ARMH1: variants seen among roughly 807,000 people sequenced by gnomAD.
ARMH1 encodes armadillo-like helical domain containing protein 1.
ARMH1 carries 34 observed loss-of-function variants against 50.2 expected under a neutral mutation model. The observed-to-expected ratio is 0.68, with a 90% confidence interval of 0.51 to 0.90. The LOEUF (loss-of-function observed/expected upper bound fraction) is 0.90, where lower values mean the gene tolerates loss of function less well. Among genes scored for constraint, ARMH1 ranks in the 40% least tolerant of loss-of-function variants. ARMH1 has a pLI of 0.00. For synonymous variants in ARMH1, 221 were observed against 224.2 expected (o/e 0.99, Z 0.13); for missense variants, 538 against 553.9 (o/e 0.97, Z 0.29).
Position 44,724,281 on chromosome 1 carries a change from G to C in ARMH1, c.847+37G>C. The C allele has an allele frequency of 6.4e-7, 1 of 1,550,960 alleles. No individual in the cohort carries two copies. Among genetic ancestry groups the C allele is most frequent in the South Asian group, 1.2e-5 (1 of 84,020 alleles). On this transcript the variant is annotated intron_variant, in intron 7 of 11. Transcript: ENST00000535358. This position sits in a 1 kb window ranked among gnomAD's most constrained non-coding sequence, Gnocchi z 6.4. ...CTCAAATGGGGCTGCCTGGGCCACG[G>C]GAGGGCGGTCTCTTGCCTCACGGCT... is the stretch of plus-strand genomic sequence containing the variant.
Position 44,709,533 on chromosome 1 carries a change from G to A in ARMH1, c.724+5360G>A, listed in dbSNP as rs1054911769. ...TAAAAATACAAAAAATTAGCCGGGC[G>A]TAGTGGCATGCGCCTGTAGTCCCAC... On this transcript the variant is annotated intron_variant, in intron 6 of 11. Transcript: ENST00000535358. 5.3e-5 allele frequency among the ~76,000 whole-genome samples: 8 copies of A among 152,224 alleles called. No homozygotes were observed. In the South Asian group the frequency reaches 6.2e-4, roughly 12 times the overall value.
At chr1:44,722,716 ACAGTGAAACTCCGTCT>A (rs1354295965) in intron 6 of ARMH1, among the ~76,000 whole-genome samples, 3 of 150,250 alleles carry the variant, frequency 2.0e-5, no homozygotes, top group Admixed American at 1.3e-4. Flanking sequence ...CTGAGTGATG[ACAGTGAAACTCCGTCT>A]CAAAAAAACA....
rs977025828 is a variant in ARMH1, at chr1:44,682,381, G to T, written c.-22-7295G>T. 1.3e-5 allele frequency among the ~76,000 whole-genome samples: 2 copies of T among 152,180 alleles called. No homozygotes were observed. The highest frequency in any genetic ancestry group is 2.9e-5 in the Non-Finnish European group (2 of 68,042). On this transcript the variant is annotated intron_variant, in intron 1 of 11. Coordinates refer to ENST00000535358, the MANE Select transcript of ARMH1 (RefSeq NM_001145636.2). The surrounding 1 kb of genome is among the most constrained non-coding windows in gnomAD (Gnocchi z 4.5). Reference sequence around the variant, plus strand: ...GGCCTGACCTCAGAGGAGGAGGAAGGGTTCAGGAACAGTAGTAGGGATTTA... The same window carrying T: ...GGCCTGACCTCAGAGGAGGAGGAAGTGTTCAGGAACAGTAGTAGGGATTTA...
intron 1 of ARMH1, chr1:44,684,381 GA>G (rs1207954574): frequency 6.6e-6 from 1 of 152,048 alleles, no homozygotes; most frequent in African/African-American, 2.4e-5. Context: ...CCCTACTTCT[GA>G]AAAACCTTAG....
At chr1:44,712,206 C>T (rs961245638) in intron 6 of ARMH1, among the ~76,000 whole-genome samples, 5 of 152,202 alleles carry the variant, frequency 3.3e-5, no homozygotes, top group Admixed American at 3.3e-4. Context: ...CACCTGTAAT[C>T]CCAGAACTTT....
intron 1 of ARMH1, among the ~76,000 whole-genome samples, chr1:44,688,792 C>G (rs1176262232): frequency 6.6e-6 from 1 of 152,174 alleles, no homozygotes; most frequent in Non-Finnish European, 1.5e-5. Flanking sequence ...TTCCCTCCCC[C>G]CACTGAAAAT....
chr1:44,695,335 C>T (rs1366691186), intron 2 of ARMH1, among the ~76,000 whole-genome samples: 1 of 152,176 alleles, frequency 6.6e-6, no homozygotes, highest in African/African-American at 2.4e-5. Flanking sequence ...AGCACAGTGC[C>T]CCGCACACAA....
At chr1:44,692,548 T>C (rs916966618) in intron 2 of ARMH1, among the ~76,000 whole-genome samples, 1 of 152,162 alleles carries the variant, frequency 6.6e-6, no homozygotes, top group African/African-American at 2.4e-5. Flanking sequence ...TGGCACATGT[T>C]TGCTGAGTAG....
rs1648023421 is a variant in ARMH1 at position 44,724,778 on chromosome 1, T to A, written c.1067T>A (p.Phe356Tyr). The change falls in exon 10 of 12, where the codon TTC (phenylalanine) becomes TAC (tyrosine). Residue 356 changes from phenylalanine to tyrosine, a missense_variant. Physicochemically the swap from Phe to Tyr is conservative, Grantham distance 22 (BLOSUM62 3). Transcript: ENST00000535358. The surrounding 1 kb of genome is among the most constrained non-coding windows in gnomAD (Gnocchi z 6.4). ...GCGGCGCAGTGCTTCGTGCAGATGT[T>A]CCCCTTGGTGGCGGAGCACGTGCGC... ...SLTLECFVQMFPLVAEHVRKC... is the reference protein window; with the variant it reads ...SLTLECFVQMYPLVAEHVRKC... 1 of 1,544,010 alleles carries A rather than the reference T, an allele frequency of 6.5e-7. No individual in the cohort carries two copies. Among genetic ancestry groups the A allele is most frequent in the Middle Eastern group, 1.8e-4 (1 of 5,530 alleles).
chr1:44,698,017 G>A lies in ARMH1; in HGVS notation c.276-46G>A, dbSNP rs1335672360. Reference sequence around the variant, plus strand: ...ATCTCTTTGAAAGCTCAGTGCAAAGGAACTTGACAAGAGTTTTATTTCTAC... The same window carrying A: ...ATCTCTTTGAAAGCTCAGTGCAAAGAAACTTGACAAGAGTTTTATTTCTAC... On this transcript the variant is annotated intron_variant, in intron 3 of 11. Transcript: ENST00000535358. The A allele has an allele frequency of 7.5e-6, 11 of 1,469,040 alleles. No homozygotes were observed. The East Asian group carries it at 2.3e-4, about 30-fold the overall frequency. 91.0% of individuals were successfully genotyped at this position (1,469,040 alleles called of 1,614,324 possible). A position where few individuals can be genotyped will look rare whatever the true frequency, so the allele number is the denominator to read the frequency against.
intron 6 of ARMH1, among the ~76,000 whole-genome samples, chr1:44,709,431 G>T (rs936327065): frequency 5.2e-4 from 79 of 152,178 alleles, no homozygotes; most frequent in Non-Finnish European, 8.8e-4. Context: ...CCAGCACTTT[G>T]GGAGGCCAAG....
rs114468855 is a variant in ARMH1 at position 44,702,429 on chromosome 1, C to T, written c.639+1310C>T. ...CTGCCTCTTCAAAAAAGGGCAATGA[C>T]AGGGCCGGGCGCAGTGGCTTACTCC... On this transcript the variant is annotated intron_variant, in intron 5 of 11. Transcript: ENST00000535358. Among the ~76,000 whole-genome samples, 598 of 152,188 alleles carry T rather than the reference C, an allele frequency of 3.9e-3. 5 individuals are homozygous for T. The highest frequency in any genetic ancestry group is 0.014 in the African/African-American group (566 of 41,512).
chr1:44,688,413 T>C (rs555497879), intron 1 of ARMH1: 2 of 152,336 alleles, frequency 1.3e-5, no homozygotes, highest in East Asian at 3.9e-4. Context: ...CTCAAATACA[T>C]GTGAGGAAAT....
At chr1:44,687,243 G>C (rs1227640892) in intron 1 of ARMH1, among the ~76,000 whole-genome samples, 1 of 152,166 alleles carries the variant, frequency 6.6e-6, no homozygotes, top group African/African-American at 2.4e-5. Context: ...TTTTCTCTCT[G>C]TGTATGTCTG....
At chr1:44,725,114 T>TC in intron 10 of ARMH1, 22 bp from the exon 11 acceptor site, 1 of 1,551,144 alleles carries the variant, frequency 6.4e-7, no homozygotes, top group Non-Finnish European at 8.7e-7. Flanking sequence ...CCCAGCCGGG[T>TC]CCCCCTTGCT....
chr1:44,700,114 G>A (rs1036885243), intron 4 of ARMH1, among the ~76,000 whole-genome samples: 4 of 152,048 alleles, frequency 2.6e-5, no homozygotes, highest in African/African-American at 9.7e-5. Flanking sequence ...ACAGGCGTGA[G>A]CCACAACGCC....
intron 2 of ARMH1, among the ~76,000 whole-genome samples, chr1:44,692,127 C>T (rs370327011): frequency 6.6e-6 from 1 of 152,294 alleles, no homozygotes; most frequent in Admixed American, 6.5e-5. Flanking sequence ...CAGTGACTTA[C>T]ACCTATAATC....
At position 44,725,310 on chromosome 1, in the gene ARMH1, C is replaced by T. The variant is rs762540489; in HGVS notation, c.1230C>T (p.Ser410=). Residue 410 remains serine, a synonymous_variant, in exon 12 of 12, where the codon AGC becomes AGT. Coordinates refer to ENST00000535358, the MANE Select transcript of ARMH1 (RefSeq NM_001145636.2). ...CTGCAGCCCTGTGCCTCCATGGCAG[C>T]TCCTACAGCATGAACACTCTCTATG... The part of the protein sequence containing the change: ...NVTKALCLHG[S]SYSMNTLYGS... The T allele has an allele frequency of 1.3e-6, 2 of 1,551,862 alleles. No individual in the cohort carries two copies. The highest frequency in any genetic ancestry group is 2.4e-5 in the South Asian group (2 of 84,066).
chr1:44,719,532 G>A (rs1405958937), intron 6 of ARMH1, among the ~76,000 whole-genome samples: 1 of 152,216 alleles, frequency 6.6e-6, no homozygotes, highest in Non-Finnish European at 1.5e-5. Flanking sequence ...GCAGCCTGCA[G>A]CACACAGGAT....
Sources: gnomAD v4.1 joint callset for allele counts (sites outside exome capture counted in the v4.1 genomes callset) on GRCh38, gnomAD v4.1.1 for gene constraint, Gnocchi (gnomAD v3.1) non-coding constraint, MANE v1.5 for transcripts, NCBI Gene and HGNC (gene_info 2026-07-23, HGNC 2026-07-21) for gene names.